TACC1: variants seen among roughly 807,000 people sequenced by gnomAD.
TACC1 encodes the protein transforming acidic coiled-coil-containing protein 1.
A neutral mutation model predicts 84.4 loss-of-function variants in TACC1; 48 were observed. The ratio of observed to expected loss-of-function variants is 0.57; its 90% CI spans 0.45 to 0.72. The LOEUF is 0.72. Ranked by LOEUF, TACC1 falls within the 30% of genes least tolerant of loss-of-function variation. The probability of loss-of-function intolerance (pLI) is 0.00; values close to 1 mark genes in which losing one functional copy is unlikely to be tolerated. For missense variants in TACC1, 920 were observed against 973.0 expected (o/e 0.95, Z 0.72); for synonymous variants, 372 against 376.3 (o/e 0.99, Z 0.13).
chr8:38,787,214 C>G (rs1223282164), upstream of TACC1: 2 of 993,842 alleles, frequency 2.0e-6, no homozygotes, highest in Non-Finnish European at 2.4e-6. Context: ...AGCTGATGCG[C>G]GCCCCGCCGG....
intron 3 of TACC1, among the ~76,000 whole-genome samples, chr8:38,764,822 G>A (rs149428788): frequency 1.8e-3 from 281 of 152,098 alleles, no homozygotes; most frequent in African/African-American, 6.4e-3. Flanking sequence ...TATCAGGCTG[G>A]GCACGGTGGC....
At chr8:38,783,734 C>T (rs1161642567), upstream of TACC1, among the ~76,000 whole-genome samples, 4 of 152,114 alleles carry the variant, frequency 2.6e-5, no homozygotes, top group African/African-American at 9.7e-5. Flanking sequence ...AGAGTATTAG[C>T]TATGAACATA....
In TACC1 at chr8:38,852,287, C is replaced by G; in HGVS notation, c.*4264C>G. On this transcript the variant is annotated 3_prime_UTR_variant, in exon 13 of 13. Coordinates refer to ENST00000317827, the MANE Select transcript of TACC1 (RefSeq NM_006283.3). ...ATAAATATATATTCTGGTTATAGTT[C>G]TAATATGGAGATGTTGTGTGCAATG... is the stretch of plus-strand genomic sequence containing the variant. 4.5e-6 allele frequency: 1 copy of G among 224,338 alleles called. No homozygotes were observed. Among genetic ancestry groups the G allele is most frequent in the South Asian group, 6.0e-5 (1 of 16,632 alleles). The allele number at this position is 224,338 out of a possible 1,614,324, so 13.9% of individuals were successfully genotyped here. A position where few individuals can be genotyped will look rare whatever the true frequency, so the allele number is the denominator to read the frequency against.
intron 11 of TACC1, 157 bp from the exon 12 acceptor site, chr8:38,846,542 T>G: frequency 2.7e-6 from 2 of 743,390 alleles, no homozygotes; most frequent in Non-Finnish European, 4.1e-6. Context: ...TAAAATGGAA[T>G]TATTTAGGTC....
Position 38,820,507 on chromosome 8 carries a change from C to T in TACC1, c.1263C>T (p.Asn421=), listed in dbSNP as rs769640929. The T allele has an allele frequency of 6.2e-7, 1 of 1,614,216 alleles. No homozygotes were observed. The highest frequency in any genetic ancestry group is 1.7e-5 in the Admixed American group (1 of 60,034). Reference sequence around the variant, plus strand: ...GCTCCTACCACTTTGACCCAGATAACTTTGACGAATCCATGGATCCCTTTA... The same window carrying T: ...GCTCCTACCACTTTGACCCAGATAATTTTGACGAATCCATGGATCCCTTTA... ...SEGSYHFDPD[N]FDESMDPFKP... is the part of the protein sequence containing the mutation. Residue 421 remains asparagine (N), a synonymous_variant, in exon 3 of 13, where the codon AAC becomes AAT. Transcript: ENST00000317827.
At chr8:38,760,579 T>A (rs983660149) in intron 3 of TACC1, among the ~76,000 whole-genome samples, 1 of 152,202 alleles carries the variant, frequency 6.6e-6, no homozygotes, top group Admixed American at 6.5e-5. Context: ...TTGCCCAGGC[T>A]GGAGTGCAGT....
At chr8:38,798,100 C>T (rs909495440) in intron 2 of TACC1, among the ~76,000 whole-genome samples, 3 of 151,432 alleles carry the variant, frequency 2.0e-5, no homozygotes, top group Non-Finnish European at 2.9e-5. Context: ...TTTAGAGATA[C>T]GGTTTGGGTC....
At chr8:38,814,299 G>A (rs187832830) in intron 2 of TACC1, among the ~76,000 whole-genome samples, 5 of 152,286 alleles carry the variant, frequency 3.3e-5, no homozygotes, top group Non-Finnish European at 7.4e-5. Flanking sequence ...ATTTTATGCA[G>A]TGATCAGATT....
At chr8:38,842,522 A>C in intron 10 of TACC1, 75 bp downstream of exon 10, 2 of 1,463,044 alleles carry the variant, frequency 1.4e-6, no homozygotes, top group South Asian at 2.7e-5. Context: ...CATCAAATAC[A>C]TATGCCAGAG....
chr8:38,847,226 A>G (rs757503457), intron 12 of TACC1, among the ~76,000 whole-genome samples: 24 of 152,184 alleles, frequency 1.6e-4, no homozygotes, highest in African/African-American at 3.6e-4. Flanking sequence ...GTGTTAGGTA[A>G]TGTCTGGAGA....
At chr8:38,830,200 A>G (rs565551503) in intron 5 of TACC1, among the ~76,000 whole-genome samples, 1 of 152,336 alleles carries the variant, frequency 6.6e-6, no homozygotes, top group African/African-American at 2.4e-5. Flanking sequence ...GGAGGATTGT[A>G]ACTTTAAACT....
chr8:38,846,847 C>T, intron 12 of TACC1, 28 bp downstream of exon 12: 1 of 1,610,694 alleles, frequency 6.2e-7, no homozygotes, highest in South Asian at 1.1e-5. Context: ...ATCTGGGTGG[C>T]CACAGAGACG....
exon 3 of TACC1, chr8:38,745,329 G>C: frequency 3.7e-6 from 2 of 536,154 alleles, no homozygotes; most frequent in South Asian, 5.0e-5. Context: ...ACTCATCAGA[G>C]AAAAAGAACA....
intron 2 of TACC1, chr8:38,802,293 A>G (rs905624776): frequency 4.6e-5 from 7 of 152,296 alleles, no homozygotes; most frequent in Admixed American, 1.3e-4. Context: ...CCTATTAGGA[A>G]TGGGCCACAC....
At chr8:38,758,230 C>A (rs1810487721) in intron 3 of TACC1, among the ~76,000 whole-genome samples, 1 of 152,150 alleles carries the variant, frequency 6.6e-6, no homozygotes, top group Non-Finnish European at 1.5e-5. Context: ...GAGAAAGATA[C>A]ACTTAACCAT....
intron 3 of TACC1, among the ~76,000 whole-genome samples, chr8:38,776,938 C>T (rs1814916553): frequency 2.6e-5 from 4 of 151,982 alleles, no homozygotes; most frequent in Admixed American, 2.0e-4. Context: ...ACAAAGGGGC[C>T]CAGTGACACA....
At chr8:38,758,185 A>G (rs1277620115) in intron 3 of TACC1, among the ~76,000 whole-genome samples, 1 of 152,096 alleles carries the variant, frequency 6.6e-6, no homozygotes, top group East Asian at 1.9e-4. Context: ...CATACTCTTT[A>G]TTTTAATTCA....
chr8:38,787,223 G>C, upstream of TACC1: 3 of 998,952 alleles, frequency 3.0e-6, no homozygotes, highest in Non-Finnish European at 3.6e-6. Context: ...GCGCCCCGCC[G>C]GCCGGGAGGC....
intron 3 of TACC1, among the ~76,000 whole-genome samples, chr8:38,821,061 T>C (rs1354561416): frequency 2.0e-5 from 3 of 152,036 alleles, no homozygotes; most frequent in Admixed American, 6.6e-5. Context: ...AAAAATTAGC[T>C]GGGCGTGGTG....
Sources: gnomAD v4.1 joint callset for allele counts (sites outside exome capture counted in the v4.1 genomes callset) on GRCh38, gnomAD v4.1.1 for gene constraint, MANE v1.5 for transcripts, NCBI Gene and HGNC (gene_info 2026-07-23, HGNC 2026-07-21) for gene names.